NIBAN1: variants seen among roughly 807,000 people sequenced by gnomAD.
NIBAN1 encodes niban apoptosis regulator 1.
Under a neutral mutation model 75.1 loss-of-function variants are expected in NIBAN1, and 81 were observed. The observed-to-expected ratio is 1.08, with a 90% CI of 0.90 to 1.30. NIBAN1 has a LOEUF of 1.30. NIBAN1 is among the 50% of genes most tolerant of loss of function. The pLI is 0.00. For synonymous variants in NIBAN1, 436 were observed against 424.8 expected (o/e 1.03, Z -0.32); for missense variants, 1,133 against 1,128.1 (o/e 1.00, Z -0.06).
At chr1:184,919,416 A>G (rs533531425) in intron 1 of NIBAN1, among the ~76,000 whole-genome samples, 90 of 152,282 alleles carry the variant, frequency 5.9e-4, no homozygotes, top group African/African-American at 1.9e-3. Flanking sequence ...TTACAAAGAA[A>G]GTTTTGAGGT....
intron 3 of NIBAN1, among the ~76,000 whole-genome samples, chr1:184,892,935 C>A (rs181690059): frequency 1.3e-5 from 2 of 152,078 alleles, no homozygotes; most frequent in African/African-American, 4.8e-5. Flanking sequence ...GCATGCCCAG[C>A]TAATTTTTGT....
chr1:184,971,137 G>T (rs1281381586), intron 1 of NIBAN1, among the ~76,000 whole-genome samples: 1 of 151,916 alleles, frequency 6.6e-6, no homozygotes, highest in Non-Finnish European at 1.5e-5. Flanking sequence ...AATACAATTA[G>T]CTGGGCGTGG....
chr1:184,877,626 T>G (rs192502389), intron 5 of NIBAN1, among the ~76,000 whole-genome samples: 138 of 152,216 alleles, frequency 9.1e-4, no homozygotes, highest in Non-Finnish European at 1.6e-3. Context: ...TTATCCAAAT[T>G]CTCCAGGATA....
intron 1 of NIBAN1, among the ~76,000 whole-genome samples, chr1:184,900,681 G>A (rs563149298): frequency 1.4e-4 from 22 of 152,254 alleles, no homozygotes; most frequent in African/African-American, 5.1e-4. Context: ...GAAGAGAGAA[G>A]GAGGAATAGA....
At chr1:184,929,911 C>A (rs1657778594) in intron 1 of NIBAN1, among the ~76,000 whole-genome samples, 2 of 152,166 alleles carry the variant, frequency 1.3e-5, no homozygotes, top group African/African-American at 4.8e-5. Flanking sequence ...TGTAAGCCTG[C>A]AACTAGCAGA....
At chr1:184,839,181 G>C (rs1293368273) in intron 5 of NIBAN1, among the ~76,000 whole-genome samples, 8 of 152,158 alleles carry the variant, frequency 5.3e-5, no homozygotes, top group Non-Finnish European at 1.2e-4. Context: ...CAGAAGACAA[G>C]AAAATGGAGT....
intron 9 of NIBAN1, among the ~76,000 whole-genome samples, chr1:184,811,127 AACTGGCTTGGACCCAGTC>A (rs1654364715): frequency 6.6e-6 from 1 of 152,240 alleles, no homozygotes; most frequent in South Asian, 2.1e-4. Context: ...TCCAGGAATT[AACTGGCTTGGACCCAGTC>A]AGAGGCCTCG....
chr1:184,842,792 G>A (rs1356655743), intron 5 of NIBAN1, among the ~76,000 whole-genome samples: 1 of 151,220 alleles, frequency 6.6e-6, no homozygotes, highest in African/African-American at 2.4e-5. Context: ...ATCCATTCTT[G>A]GTTTTGCCAT....
intron 1 of NIBAN1, among the ~76,000 whole-genome samples, chr1:184,944,430 C>A (rs1658173421): frequency 6.6e-6 from 1 of 152,204 alleles, no homozygotes; most frequent in South Asian, 2.1e-4. Context: ...GTAGCTTCTT[C>A]CTCTCAATGG....
At chr1:184,841,859 T>A (rs1345779541) in intron 5 of NIBAN1, among the ~76,000 whole-genome samples, 3 of 152,214 alleles carry the variant, frequency 2.0e-5, no homozygotes, top group Admixed American at 1.3e-4. Context: ...TGGCATCATG[T>A]GCCTCCCACC....
chr1:184,969,688 CTTTCT>C (rs1658885442), intron 1 of NIBAN1, among the ~76,000 whole-genome samples: 1 of 148,686 alleles, frequency 6.7e-6, no homozygotes, highest in African/African-American at 2.5e-5. Flanking sequence ...TCAGGAGTTT[CTTTCT>C]TTTTTTTTTT....
intron 9 of NIBAN1, among the ~76,000 whole-genome samples, chr1:184,816,270 G>C (rs1231025834): frequency 6.6e-6 from 1 of 152,140 alleles, no homozygotes; most frequent in Non-Finnish European, 1.5e-5. Context: ...TCTCTCAAAG[G>C]TTTTAAATGT....
At chr1:184,805,516 T>G (rs1037517917) in intron 11 of NIBAN1, among the ~76,000 whole-genome samples, 6 of 152,240 alleles carry the variant, frequency 3.9e-5, no homozygotes, top group African/African-American at 1.4e-4. Flanking sequence ...TTCTTTTCTT[T>G]GGAGTATTTC....
chr1:184,885,826 CCCT>C (rs1656510822), intron 4 of NIBAN1, among the ~76,000 whole-genome samples: 1 of 152,200 alleles, frequency 6.6e-6, no homozygotes, highest in Non-Finnish European at 1.5e-5. Flanking sequence ...TGCTAACAAC[CCCT>C]TCTTTTGAAA....
At chr1:184,802,610 A>G (rs994019288) in intron 12 of NIBAN1, among the ~76,000 whole-genome samples, 1 of 152,258 alleles carries the variant, frequency 6.6e-6, no homozygotes, top group Non-Finnish European at 1.5e-5. Context: ...CTTACAGACT[A>G]TAAAAATGAC....
Position 184,921,128 on chromosome 1 carries a change from C to CA in NIBAN1, c.56-21820dup, listed in dbSNP as rs59270543. ...TGGGTGACAGAGCAAGGCTCTGTCTCAAAAAAAAAAAAAAAAAAATTAGCC... is the reference window on the plus strand; with the variant it reads ...TGGGTGACAGAGCAAGGCTCTGTCTCAAAAAAAAAAAAAAAAAAAATTAGCC... On this transcript the variant is annotated intron_variant, in intron 1 of 13. Coordinates refer to ENST00000367511, the MANE Select transcript of NIBAN1 (RefSeq NM_052966.4). Among the ~76,000 whole-genome samples the CA allele has an allele frequency of 9.3e-3, 1,013 of 108,720 alleles. 9 individuals carry two copies. The highest frequency in any genetic ancestry group is 0.025 in the Middle Eastern group (5 of 202). The allele number at this position is 108,720 out of a possible 152,430, so 71.3% of individuals were successfully genotyped here.
chr1:184,807,460 C>G (rs1413498605), intron 10 of NIBAN1, among the ~76,000 whole-genome samples: 1 of 152,030 alleles, frequency 6.6e-6, no homozygotes, highest in Non-Finnish European at 1.5e-5. Context: ...ATATTAGAAA[C>G]AGTAGGAATC....
intron 5 of NIBAN1, among the ~76,000 whole-genome samples, chr1:184,871,082 C>T (rs1656094077): frequency 6.6e-6 from 1 of 152,092 alleles, no homozygotes; most frequent in Admixed American, 6.6e-5. Context: ...TGCAGTGGCT[C>T]ATGCCTGTAA....
At chr1:184,951,676 T>C (rs937994760) in intron 1 of NIBAN1, among the ~76,000 whole-genome samples, 3 of 152,180 alleles carry the variant, frequency 2.0e-5, no homozygotes, top group Admixed American at 6.5e-5. Flanking sequence ...CTTCTTCCTG[T>C]TTGGCTTGCT....
Sources: allele counts gnomAD v4.1 joint callset (sites outside exome capture counted in the v4.1 genomes callset), GRCh38; gene constraint gnomAD v4.1.1; transcripts MANE v1.5; gene names NCBI Gene and HGNC (gene_info 2026-07-23, HGNC 2026-07-21).